The following ARHGEF25 variants were observed in gnomAD, a reference collection of about 807,000 sequenced individuals.
The protein encoded by ARHGEF25 is RAC/CDC42 exchange factor.
A neutral mutation model predicts 74.0 loss-of-function variants in ARHGEF25; 42 were observed. The observed-to-expected ratio is 0.57, with a 90% CI of 0.44 to 0.73. ARHGEF25 has a LOEUF of 0.73. ARHGEF25 is among the 30% of genes least tolerant of loss of function. ARHGEF25 has a pLI of 0.00. For missense variants in ARHGEF25, 645 were observed against 725.5 expected, an observed-to-expected ratio of 0.89 and a Z score of 1.27; for synonymous variants, 293 against 278.6, an observed-to-expected ratio of 1.05 and a Z score of -0.51.
rs1056921641 is a variant in ARHGEF25, at chr12:57,614,846, C to T, written c.909+65C>T. On this transcript the variant is annotated intron_variant, in intron 9 of 14. Coordinates refer to ENST00000286494, the MANE Select transcript of ARHGEF25 (RefSeq NM_182947.4). This position sits in a 1 kb window ranked among gnomAD's most constrained non-coding sequence, Gnocchi z 4.6. Reference sequence around the variant, plus strand: ...ACAGCTGTTTCCTCATTCATCTCCCCAGGGTTCTTAGGGCTCCCCCAGACT... The same window carrying T: ...ACAGCTGTTTCCTCATTCATCTCCCTAGGGTTCTTAGGGCTCCCCCAGACT... 2.5e-6 allele frequency: 4 copies of T among 1,574,316 alleles called. No homozygotes were observed. Among genetic ancestry groups the T allele is most frequent in the East Asian group, 4.6e-5 (2 of 43,720 alleles).
At chr12:57,612,585 G>T in intron 1 of ARHGEF25, 1 of 525,286 alleles carries the variant, frequency 1.9e-6, no homozygotes. Flanking sequence ...CCCATTGAAA[G>T]AGGGAGGGTT....
chr12:57,616,428 C>T lies in ARHGEF25; in HGVS notation c.1565C>T (p.Ser522Phe), dbSNP rs199891478. ...AGCACACACACACCCATCAATGGCT[C>T]TCTCCCCTCTCTGCTGCTGTCACCC... ...QGSTHTPINGSLPSLLLSPKG... is the reference protein window; with the variant it reads ...QGSTHTPINGFLPSLLLSPKG... Residue 522 changes from serine (S) to phenylalanine (F), a missense_variant, in exon 14 of 15, where the codon TCT becomes TTT. Around this residue, in one of 3 missense-constraint regions of ARHGEF25, gnomAD observed 262 missense variants for 256.9 expected, o/e 1.02. Transcript: ENST00000286494. The T allele has an allele frequency of 5.6e-6, 9 of 1,614,160 alleles. No homozygotes were observed. The highest frequency in any genetic ancestry group is 7.6e-6 in the Non-Finnish European group (9 of 1,180,036).
chr12:57,616,458 G>A lies in ARHGEF25; in HGVS notation c.1595G>A (p.Gly532Glu), dbSNP rs1884294792. 1.2e-6 allele frequency: 2 copies of A among 1,614,134 alleles called. No homozygotes were observed. Among genetic ancestry groups the A allele is most frequent in the Non-Finnish European group, 8.5e-7 (1 of 1,180,024 alleles). Residue 532 changes from glycine to glutamate, a missense_variant, in exon 14 of 15, where the codon GGG (glycine) becomes GAG (glutamate). Gly to Glu is a moderately conservative substitution (Grantham distance 98). Around this residue, in one of 3 missense-constraint regions of ARHGEF25, gnomAD observed 262 missense variants for 256.9 expected, o/e 1.02. Coordinates refer to ENST00000286494, the MANE Select transcript of ARHGEF25 (RefSeq NM_182947.4). Reference sequence around the variant, plus strand: ...CCCTCTCTGCTGCTGTCACCCAAAGGGGAGGTGGCCAGAGCCCTCTTGCCA... The same window carrying A: ...CCCTCTCTGCTGCTGTCACCCAAAGAGGAGGTGGCCAGAGCCCTCTTGCCA... ...SLPSLLLSPK[G>E]EVARALLPLD...
upstream of ARHGEF25, chr12:57,610,313 G>A (rs200996448): frequency 9.2e-6 from 14 of 1,528,652 alleles, no homozygotes; most frequent in Non-Finnish European, 1.2e-5. Context: ...TGGGCAGGAG[G>A]GGGTAAGAAT....
At chr12:57,615,426 T>C (rs1464381681) in intron 11 of ARHGEF25, 86 bp from the exon 12 acceptor site, 5 of 1,594,676 alleles carry the variant, frequency 3.1e-6, no homozygotes, top group Admixed American at 1.7e-5. Context: ...CCATGGTTGG[T>C]TGGGCATGTC....
In ARHGEF25 at chr12:57,611,964, G is replaced by C; in HGVS notation, c.70G>C (p.Gly24Arg). 2 of 1,314,450 alleles carry C rather than the reference G, an allele frequency of 1.5e-6. No homozygotes were observed. Among genetic ancestry groups the C allele is most frequent in the Non-Finnish European group, 2.0e-6 (2 of 1,023,644 alleles). 81.4% of individuals were successfully genotyped at this position (1,314,450 alleles called of 1,614,324 possible). A position where few individuals can be genotyped will look rare whatever the true frequency, so the allele number is the denominator to read the frequency against. ...RVIRKVLAKC[G>R]CCFARGGRES... ...GATCCGAAAAGTGCTGGCAAAATGC[G>C]GCTGCTGCTTCGCCCGGGGGGGACG... Residue 24 changes from glycine (G) to arginine (R), a missense_variant, in exon 1 of 15, where the codon GGC becomes CGC. This residue lies in a region of ARHGEF25 where 189 missense variants were observed against 199.1 expected (regional missense o/e 0.95). Coordinates refer to ENST00000286494, the MANE Select transcript of ARHGEF25 (RefSeq NM_182947.4). This position sits in a 1 kb window ranked among gnomAD's most constrained non-coding sequence, Gnocchi z 4.5.
At position 57,613,367 on chromosome 12, in the gene ARHGEF25, G is replaced by A; in HGVS notation, c.408+8G>A. The stretch of plus-strand genomic sequence containing the variant: ...CCTGGAGATAAGACGCAGGTGTGAG[G>A]ACAGGCTCTGGGGAGGCTCCTTTCA... On this transcript the variant is annotated splice_region_variant and intron_variant, in intron 3 of 14. Transcript: ENST00000286494. 6.2e-7 allele frequency: 1 copy of A among 1,614,224 alleles called. No individual in the cohort carries two copies.
At chr12:57,616,573 C>T in intron 14 of ARHGEF25, 78 bp downstream of exon 14, 1 of 1,346,696 alleles carries the variant, frequency 7.4e-7, no homozygotes, top group East Asian at 2.3e-5. Flanking sequence ...AAGTTCCCTC[C>T]CCATATCATT....
rs1445607956 is a variant in ARHGEF25, at chr12:57,611,665, G to A, written c.-230G>A. ...TCCGGAAACCCTCCCCGCCCAGCCCGGCGGCCGGGCCCCGCGCCTCTCTCT... is the reference window on the plus strand; with the variant it reads ...TCCGGAAACCCTCCCCGCCCAGCCCAGCGGCCGGGCCCCGCGCCTCTCTCT... On this transcript the variant is annotated 5_prime_UTR_variant, in exon 1 of 15. Coordinates refer to ENST00000286494, the MANE Select transcript of ARHGEF25 (RefSeq NM_182947.4). The surrounding 1 kb of genome is among the most constrained non-coding windows in gnomAD (Gnocchi z 4.5). 2 of 1,085,764 alleles carry A rather than the reference G, an allele frequency of 1.8e-6. No homozygotes were observed. The highest frequency in any genetic ancestry group is 1.7e-5 in the African/African-American group (1 of 59,508). The allele number at this position is 1,085,764 out of a possible 1,614,324, so 67.3% of individuals were successfully genotyped here.
At chr12:57,610,713 A>G, upstream of ARHGEF25, 1 of 1,583,328 alleles carries the variant, frequency 6.3e-7, no homozygotes, top group Non-Finnish European at 8.6e-7. Flanking sequence ...GGTGGGGCAC[A>G]GTTTGCTATC....
In ARHGEF25 at chr12:57,614,139, C is replaced by A; in HGVS notation, c.656+20C>A. Reference sequence around the variant, plus strand: ...CCGAGAGTGAGTGGTGGAACTCTGACAGCTAGGTGCTGGAGAGGGGCCCTC... The same window carrying A: ...CCGAGAGTGAGTGGTGGAACTCTGAAAGCTAGGTGCTGGAGAGGGGCCCTC... On this transcript the variant is annotated intron_variant, in intron 6 of 14. Coordinates refer to ENST00000286494, the MANE Select transcript of ARHGEF25 (RefSeq NM_182947.4). The surrounding 1 kb of genome is among the most constrained non-coding windows in gnomAD (Gnocchi z 4.6). 6.2e-7 allele frequency: 1 copy of A among 1,611,350 alleles called. No individual in the cohort carries two copies. Among genetic ancestry groups the A allele is most frequent in the Non-Finnish European group, 8.5e-7 (1 of 1,177,678 alleles).
At chr12:57,616,759 C>G (rs769791358) in intron 14 of ARHGEF25, 25 bp from the exon 15 acceptor site, 9 of 1,529,856 alleles carry the variant, frequency 5.9e-6, no homozygotes, top group Non-Finnish European at 8.1e-6. Context: ...CCTTTTTGAT[C>G]CTCTGACTTG....
Position 57,614,078 on chromosome 12 carries a change from T to C in ARHGEF25, c.615T>C (p.Ile205=). 2 of 1,613,950 alleles carry C rather than the reference T, an allele frequency of 1.2e-6. No individual in the cohort carries two copies. Among genetic ancestry groups the C allele is most frequent in the Non-Finnish European group, 1.7e-6 (2 of 1,179,966 alleles). Residue 205 remains isoleucine, a synonymous_variant, in exon 6 of 15, where the codon ATT becomes ATC. Coordinates refer to ENST00000286494, the MANE Select transcript of ARHGEF25 (RefSeq NM_182947.4). The surrounding 1 kb of genome is among the most constrained non-coding windows in gnomAD (Gnocchi z 4.6). ...VPESLRGRDR[I]VFGNIQQIYE... The stretch of plus-strand genomic sequence containing the variant: ...AGAGTCTTCGAGGCCGTGACAGGAT[T>C]GTGTTTGGGAATATCCAGCAAATCT...
At position 57,614,636 on chromosome 12, in the gene ARHGEF25, AG is replaced by A. The variant is rs1565727512; in HGVS notation, c.816+33del. 1.2e-6 allele frequency: 2 copies of A among 1,613,912 alleles called. No individual in the cohort carries two copies. Among genetic ancestry groups the A allele is most frequent in the Admixed American group, 1.7e-5 (1 of 60,010 alleles). On this transcript the variant is annotated intron_variant, in intron 8 of 14. Coordinates refer to ENST00000286494, the MANE Select transcript of ARHGEF25 (RefSeq NM_182947.4). The surrounding 1 kb of genome is among the most constrained non-coding windows in gnomAD (Gnocchi z 4.6). ...TAGCTGAGATGTCTTGGTGGGAAGG[AG>A]GACAGAACTGGGGCTTTCCAGGCTG...
chr12:57,610,683 C>A (rs761935620), upstream of ARHGEF25: 40 of 1,606,822 alleles, frequency 2.5e-5, no homozygotes, highest in Middle Eastern at 1.6e-4. Flanking sequence ...CTCTGCAGCC[C>A]GGTAAGAAGC....
In ARHGEF25 at chr12:57,611,811, C is replaced by T; in HGVS notation, c.-84C>T. The stretch of plus-strand genomic sequence containing the variant: ...CGGGGTAGGAGGGAGGGGGGGTGTG[C>T]GCCCGGCGCCGTCCCCGCCCCGCCC... On this transcript the variant is annotated 5_prime_UTR_variant, in exon 1 of 15. Coordinates refer to ENST00000286494, the MANE Select transcript of ARHGEF25 (RefSeq NM_182947.4). This position sits in a 1 kb window ranked among gnomAD's most constrained non-coding sequence, Gnocchi z 4.5. 8.7e-7 allele frequency: 1 copy of T among 1,148,822 alleles called. No homozygotes were observed. The highest frequency in any genetic ancestry group is 1.1e-6 in the Non-Finnish European group (1 of 914,706). 71.2% of individuals were successfully genotyped at this position (1,148,822 alleles called of 1,614,324 possible).
In ARHGEF25 at chr12:57,615,697, C is replaced by T. The variant is rs1323757945; in HGVS notation, c.1224C>T (p.Tyr408=). The T allele has an allele frequency of 6.2e-7, 1 of 1,613,990 alleles. No homozygotes were observed. The highest frequency in any genetic ancestry group is 1.3e-5 in the African/African-American group (1 of 74,886). The change falls in exon 12 of 15, where the codon TAC becomes TAT. Residue 408 remains tyrosine (Y), a synonymous_variant. Coordinates refer to ENST00000286494, the MANE Select transcript of ARHGEF25 (RefSeq NM_182947.4). The part of the protein sequence containing the change: ...VRGGTQPGYV[Y]KNSIKVSCLG... The stretch of plus-strand genomic sequence containing the variant: ...GTGGAACACAGCCTGGATATGTATA[C>T]AAGAACAGCATTAAGGTGGGGAGAA...
In ARHGEF25 at chr12:57,615,861, A is replaced by G; in HGVS notation, c.1264A>G (p.Asn422Asp). Residue 422 changes from asparagine (N) to aspartate (D), a missense_variant, in exon 13 of 15, where the codon AAC becomes GAC. Asn to Asp is a conservative substitution (Grantham distance 23). Around this residue, in one of 3 missense-constraint regions of ARHGEF25, gnomAD observed 262 missense variants for 256.9 expected, o/e 1.02. Transcript: ENST00000286494. ...IKVSCLGLEGNLQGDPCRFAL... is the reference protein window; with the variant it reads ...IKVSCLGLEGDLQGDPCRFAL... ...GGTGAGCTGCCTGGGACTGGAGGGG[A>G]ACCTCCAAGGTGACCCTTGCCGCTT... The G allele has an allele frequency of 6.2e-7, 1 of 1,613,776 alleles. No homozygotes were observed.
chr12:57,616,616 T>C (rs1483785252), intron 14 of ARHGEF25, 121 bp downstream of exon 14: 7 of 1,031,732 alleles, frequency 6.8e-6, no homozygotes, highest in Non-Finnish European at 1.0e-5. Flanking sequence ...CTACTTCCCA[T>C]CCCTTACGCT....
Sources: gnomAD v4.1 joint callset for allele counts on GRCh38, gnomAD v4.1.1 for gene constraint, gnomAD v4.1.1 regional missense constraint, Gnocchi (gnomAD v3.1) non-coding constraint, MANE v1.5 for transcripts, NCBI Gene and HGNC (gene_info 2026-07-23, HGNC 2026-07-21) for gene names.